The following NLK variants were observed in gnomAD, a reference collection of about 807,000 sequenced individuals.
The protein encoded by NLK is nemo like kinase, also known as serine/threonine-protein kinase NLK.
NLK carries 11 observed loss-of-function variants against 59.0 expected under a neutral mutation model. The ratio of observed to expected loss-of-function variants is 0.19; its 90% CI spans 0.12 to 0.31. The LOEUF is 0.31. NLK is among the 10% of genes least tolerant of loss of function. The pLI, the probability that NLK is intolerant of heterozygous loss-of-function variation, is 1.00. For missense variants in NLK, 410 were observed against 661.1 expected (o/e 0.62, Z 4.16); for synonymous variants, 235 against 235.9 (o/e 1.00, Z 0.03).
At chr17:28,142,682 A>G (rs1907057076) in intron 3 of NLK, among the ~76,000 whole-genome samples, 1 of 152,192 alleles carries the variant, frequency 6.6e-6, no homozygotes, top group Non-Finnish European at 1.5e-5. Context: ...ATATCTGAGT[A>G]CTAGGCTGAA....
Position 28,060,287 on chromosome 17 carries a change from C to CT in NLK, c.458+16956_458+16957insT, listed in dbSNP as rs1597657715. Among the ~76,000 whole-genome samples the CT allele has an allele frequency of 3.9e-5, 6 of 152,084 alleles. No homozygotes were observed. The East Asian group carries it at 1.2e-3, about 29-fold the overall frequency. ...TGACTTTAAAGCAAGAAAAGAACAT[C>CT]AGATTTGTCTATGAAGACATCTAAG... On this transcript the variant is annotated intron_variant, in intron 1 of 10. Transcript: ENST00000407008.
intron 1 of NLK, among the ~76,000 whole-genome samples, chr17:28,084,546 T>C (rs1910448939): frequency 6.6e-6 from 1 of 151,842 alleles, no homozygotes; most frequent in Admixed American, 6.6e-5. Context: ...AACGGGGCTG[T>C]ACATTCTGTC....
chr17:28,058,259 G>A (rs1311663261), intron 1 of NLK, among the ~76,000 whole-genome samples: 2 of 152,164 alleles, frequency 1.3e-5, no homozygotes, highest in South Asian at 4.1e-4. Context: ...TACCTCAGCA[G>A]GAAAGACATT....
At chr17:28,205,912 G>C in the NLK span, among the ~76,000 whole-genome samples, 2 of 152,140 alleles carry the variant, frequency 1.3e-5, no homozygotes, top group African/African-American at 4.8e-5. Flanking sequence ...TTTGATAAGA[G>C]AGCATTTTAG....
chr17:28,118,839 A>G (rs1905898088), intron 1 of NLK, among the ~76,000 whole-genome samples: 1 of 152,226 alleles, frequency 6.6e-6, no homozygotes, highest in Admixed American at 6.5e-5. Context: ...ACTCTTAAAC[A>G]TGCTGCTTGA....
chr17:28,161,474 A>T (rs1451648454), intron 4 of NLK, among the ~76,000 whole-genome samples: 1 of 152,240 alleles, frequency 6.6e-6, no homozygotes, highest in Non-Finnish European at 1.5e-5. Flanking sequence ...TCAGTGATGA[A>T]AGAGAAAGCC....
At chr17:28,184,811 A>G (rs963804613) in intron 7 of NLK, among the ~76,000 whole-genome samples, 2 of 152,124 alleles carry the variant, frequency 1.3e-5, no homozygotes, top group Admixed American at 1.3e-4. Flanking sequence ...CCCAAGCGTG[A>G]TGGCACATGC....
intron 1 of NLK, among the ~76,000 whole-genome samples, chr17:28,074,701 T>A (rs1328672105): frequency 6.6e-6 from 1 of 152,196 alleles, no homozygotes; most frequent in Non-Finnish European, 1.5e-5. Context: ...TTCTTTTGCC[T>A]AGCATCTTTT....
At chr17:28,104,223 G>T (rs546143044) in intron 1 of NLK, among the ~76,000 whole-genome samples, 1 of 151,956 alleles carries the variant, frequency 6.6e-6, no homozygotes, top group African/African-American at 2.4e-5. Flanking sequence ...TCAAAGTGGG[G>T]CCTGGTCAGT....
At chr17:28,119,831 A>G (rs147252559) in intron 1 of NLK, among the ~76,000 whole-genome samples, 3 of 152,318 alleles carry the variant, frequency 2.0e-5, no homozygotes, top group African/African-American at 7.2e-5. Flanking sequence ...ATGCCTCCTG[A>G]GATGATGCAC....
intron 1 of NLK, among the ~76,000 whole-genome samples, chr17:28,068,140 C>CA (rs1183536787): frequency 0.056 from 3,887 of 69,704 alleles, 97 homozygotes; most frequent in Non-Finnish European, 0.086. Context: ...GACTCCGTCT[C>CA]AAAAAAAAAA....
chr17:28,078,728 ACT>A (rs1463171767), intron 1 of NLK, among the ~76,000 whole-genome samples: 7 of 151,618 alleles, frequency 4.6e-5, no homozygotes, highest in Non-Finnish European at 8.8e-5. Context: ...GGTTTATAGC[ACT>A]CTCTCTGTAA....
chr17:28,076,392 C>T (rs1473648323), intron 1 of NLK, among the ~76,000 whole-genome samples: 1 of 152,084 alleles, frequency 6.6e-6, no homozygotes, highest in African/African-American at 2.4e-5. Context: ...GAAGGCAGGT[C>T]TTTGGGGCCT....
intron 2 of NLK, among the ~76,000 whole-genome samples, chr17:28,129,332 A>G (rs1195500776): frequency 6.6e-6 from 1 of 152,272 alleles, no homozygotes; most frequent in East Asian, 1.9e-4. Flanking sequence ...GCATGCCCGT[A>G]GTCCCAGCTA....
At position 28,121,495 on chromosome 17, in the gene NLK, C is replaced by CTTTTTTTTTTTTT. The variant is rs58647578; in HGVS notation, c.459-1095_459-1083dup. Among the ~76,000 whole-genome samples the CTTTTTTTTTTTTT allele has an allele frequency of 1.7e-4, 12 of 72,292 alleles. 1 individual carries two copies. Among genetic ancestry groups the CTTTTTTTTTTTTT allele is most frequent in the African/African-American group, 2.9e-4 (5 of 17,278 alleles). 47.4% of individuals were successfully genotyped at this position (72,292 alleles called of 152,430 possible). On this transcript the variant is annotated intron_variant, in intron 1 of 10. Transcript: ENST00000407008. ...TTGGTATTTCTTTTTTCTTTCTTTT[C>CTTTTTTTTTTTTT]TTTTTTTTTTTTTTTTTTTTTTTTT...
chr17:28,057,836 ATG>A (rs1567701153), intron 1 of NLK, among the ~76,000 whole-genome samples: 1 of 152,194 alleles, frequency 6.6e-6, no homozygotes, highest in Non-Finnish European at 1.5e-5. Context: ...CCCAAGGGTA[ATG>A]ATTATTTCCC....
intron 3 of NLK, among the ~76,000 whole-genome samples, chr17:28,155,879 T>C (rs1255195735): frequency 1.3e-5 from 2 of 152,194 alleles, no homozygotes; most frequent in Non-Finnish European, 2.9e-5. Context: ...TGTATACCTA[T>C]GTAACCTGCA....
At chr17:28,139,265 A>C (rs1906887131) in intron 3 of NLK, among the ~76,000 whole-genome samples, 2 of 152,108 alleles carry the variant, frequency 1.3e-5, no homozygotes, top group South Asian at 2.1e-4. Context: ...AAAAAAAACA[A>C]AAGAACCAAG....
rs180995363 is a variant in NLK, at chr17:28,090,060, A to T, written c.459-32543A>T. The stretch of plus-strand genomic sequence containing the variant: ...ATTTTAATGACTTCCAGTTTATCAG[A>T]ATTTTAAATGAATCATGCATGTTTA... On this transcript the variant is annotated intron_variant, in intron 1 of 10. Coordinates refer to ENST00000407008, the MANE Select transcript of NLK (RefSeq NM_016231.5). Among the ~76,000 whole-genome samples, 18 of 152,256 alleles carry T rather than the reference A, an allele frequency of 1.2e-4. No homozygotes were observed. The East Asian group carries it at 3.5e-3, about 29-fold the overall frequency.
Sources: gnomAD v4.1 joint callset for allele counts (sites outside exome capture counted in the v4.1 genomes callset) on GRCh38, gnomAD v4.1.1 for gene constraint, MANE v1.5 for transcripts, NCBI Gene and HGNC (gene_info 2026-07-23, HGNC 2026-07-21) for gene names.